Variants in TMEM209 observed in about 807,000 individuals in gnomAD.
TMEM209 encodes testicular tissue protein Li 202.
Under a neutral mutation model 76.2 loss-of-function variants are expected in TMEM209, and 65 were observed. The ratio of observed to expected loss-of-function variants is 0.85; its 90% CI spans 0.70 to 1.05. The LOEUF (loss-of-function observed/expected upper bound fraction) is 1.05, where lower values mean the gene tolerates loss of function less well. TMEM209 is among the 50% of genes least tolerant of loss of function. The probability of loss-of-function intolerance (pLI) is 0.00; values close to 1 mark genes in which losing one functional copy is unlikely to be tolerated. For missense variants in TMEM209, 623 were observed against 685.5 expected, an observed-to-expected ratio of 0.91 and a Z score of 1.02; for synonymous variants, 239 against 237.6, an observed-to-expected ratio of 1.01 and a Z score of -0.06.
Position 130,173,876 on chromosome 7 carries a change from C to T in TMEM209, c.1408G>A (p.Asp470Asn), listed in dbSNP as rs754294783. 50 of 1,613,694 alleles carry T rather than the reference C, an allele frequency of 3.1e-5. No individual in the cohort carries two copies. The highest frequency in any genetic ancestry group is 5.5e-5 in the South Asian group (5 of 91,056). ...TGCTGAGAAGTAAAAGTTTTTCCGT[C>T]GGGATACTTCGGATGTGGAGGTAAT... ...SRLPPHPKYP[D>N]GKTFTSQHFV... The change falls in exon 12 of 15, where the codon GAC (aspartate) becomes AAC (asparagine). Residue 470 changes from aspartate to asparagine, a missense_variant. Asp to Asn is a conservative substitution (Grantham distance 23, BLOSUM62 1). Coordinates refer to ENST00000397622, the MANE Select transcript of TMEM209 (RefSeq NM_032842.4).
intron 5 of TMEM209, among the ~76,000 whole-genome samples, chr7:130,201,396 G>A (rs1004727354): frequency 3.3e-5 from 5 of 151,776 alleles, no homozygotes; most frequent in East Asian, 1.9e-4. Context: ...CATGGAAAGC[G>A]TCCATATTCA....
intron 11 of TMEM209, among the ~76,000 whole-genome samples, chr7:130,174,743 T>G (rs1260090662): frequency 2.6e-5 from 4 of 152,166 alleles, no homozygotes; most frequent in Non-Finnish European, 5.9e-5. Flanking sequence ...AAGAAAGCAA[T>G]GCGCATCACA....
At chr7:130,170,605 T>C in intron 13 of TMEM209, 132 bp from the exon 14 acceptor site, 3 of 710,842 alleles carry the variant, frequency 4.2e-6, no homozygotes, top group Non-Finnish European at 6.9e-6. Context: ...CATTTATTTA[T>C]TAAACAAAGT....
intron 3 of TMEM209, 85 bp from the exon 4 acceptor site, chr7:130,202,748 T>TA: frequency 7.3e-7 from 1 of 1,364,122 alleles, no homozygotes; most frequent in Non-Finnish European, 9.7e-7. Flanking sequence ...CTTAGCAAAC[T>TA]AAAATTACCT....
chr7:130,196,993 G>A (rs1377396814), intron 5 of TMEM209, among the ~76,000 whole-genome samples: 3 of 152,186 alleles, frequency 2.0e-5, no homozygotes, highest in Admixed American at 6.5e-5. Flanking sequence ...TTGGGAGGCT[G>A]AGGCAGGAAG....
At chr7:130,183,061 G>T (rs541311951) in intron 8 of TMEM209, among the ~76,000 whole-genome samples, 5 of 152,236 alleles carry the variant, frequency 3.3e-5, no homozygotes, top group African/African-American at 1.2e-4. Flanking sequence ...GTCACCTAGG[G>T]ACTTCAGATG....
chr7:130,191,346 T>C (rs1797790351), intron 6 of TMEM209, among the ~76,000 whole-genome samples: 1 of 151,566 alleles, frequency 6.6e-6, no homozygotes, highest in Non-Finnish European at 1.5e-5. Flanking sequence ...AAACATTTAA[T>C]GGAAGACAAT....
chr7:130,173,975 A>G, intron 11 of TMEM209, 36 bp from the exon 12 acceptor site: 2 of 1,392,130 alleles, frequency 1.4e-6, no homozygotes, highest in Non-Finnish European at 1.0e-6. Flanking sequence ...TTAAGTCAGC[A>G]TGAAAATCTA....
At chr7:130,178,690 C>G (rs959815875) in intron 9 of TMEM209, among the ~76,000 whole-genome samples, 163 bp from the exon 10 acceptor site, 3 of 152,082 alleles carry the variant, frequency 2.0e-5, no homozygotes, top group East Asian at 1.9e-4. Flanking sequence ...CAAATTTCAC[C>G]CCTCCTCTCT....
intron 4 of TMEM209, among the ~76,000 whole-genome samples, 161 bp from the exon 5 acceptor site, chr7:130,202,252 G>A (rs1798237385): frequency 2.0e-5 from 3 of 152,138 alleles, no homozygotes; most frequent in South Asian, 2.1e-4. Flanking sequence ...CACAAATTAC[G>A]TGTTTACCAT....
chr7:130,196,145 T>C (rs993894446), intron 5 of TMEM209, among the ~76,000 whole-genome samples: 2 of 152,168 alleles, frequency 1.3e-5, no homozygotes, highest in African/African-American at 4.8e-5. Context: ...ACTGGTCTCT[T>C]CACTTTTGTG....
intron 11 of TMEM209, among the ~76,000 whole-genome samples, chr7:130,174,607 G>GT (rs1327151068): frequency 6.6e-6 from 1 of 151,854 alleles, no homozygotes; most frequent in Non-Finnish European, 1.5e-5. Flanking sequence ...ATTTTCACCC[G>GT]TAACAGTCAC....
At position 130,181,734 on chromosome 7, in the gene TMEM209, G is replaced by T; in HGVS notation, c.1024-15C>A. The T allele has an allele frequency of 6.3e-7, 1 of 1,588,334 alleles. No individual in the cohort carries two copies. Among genetic ancestry groups the T allele is most frequent in the Non-Finnish European group, 8.6e-7 (1 of 1,164,950 alleles). On this transcript the variant is annotated splice_polypyrimidine_tract_variant and intron_variant, in intron 8 of 14. Transcript: ENST00000397622. ...TCATTGATCCACTAGAAGAAATAAG[G>T]TACAGATTTTGGATACATAATTCCC...
chr7:130,184,138 T>C, intron 8 of TMEM209, 46 bp downstream of exon 8: 7 of 1,302,150 alleles, frequency 5.4e-6, no homozygotes, highest in Non-Finnish European at 7.5e-6. Context: ...ATGCTTTGCA[T>C]ATTAAGAGGC....
chr7:130,179,138 T>G (rs993431582), intron 9 of TMEM209, among the ~76,000 whole-genome samples: 1 of 152,140 alleles, frequency 6.6e-6, no homozygotes, highest in African/African-American at 2.4e-5. Flanking sequence ...GAATGAAAGC[T>G]TAATGAAGGC....
rs1050747739 is a variant in TMEM209, at chr7:130,202,182, G to A, written c.332-91C>T. The A allele has an allele frequency of 2.8e-6, 4 of 1,449,954 alleles. No homozygotes were observed. The African/African-American group carries it at 5.7e-5, about 21-fold the overall frequency. The allele number at this position is 1,449,954 out of a possible 1,614,324, so 89.8% of individuals were successfully genotyped here. A position where few individuals can be genotyped will look rare whatever the true frequency, so the allele number is the denominator to read the frequency against. ...TAAGCAACTAAGTCTTTCTCTTAAG[G>A]GAAAAAAGTTAACAGAGTTACTTGG... On this transcript the variant is annotated intron_variant, in intron 4 of 14. Coordinates refer to ENST00000397622, the MANE Select transcript of TMEM209 (RefSeq NM_032842.4).
At chr7:130,195,108 G>A (rs997981755) in intron 5 of TMEM209, among the ~76,000 whole-genome samples, 1 of 151,786 alleles carries the variant, frequency 6.6e-6, no homozygotes, top group Non-Finnish European at 1.5e-5. Context: ...AAATTTTCTT[G>A]GCTCATTTGT....
At chr7:130,196,262 T>C (rs1797967521) in intron 5 of TMEM209, among the ~76,000 whole-genome samples, 1 of 151,912 alleles carries the variant, frequency 6.6e-6, no homozygotes, top group African/African-American at 2.4e-5. Context: ...TGGGGATGTA[T>C]TCGATATATT....
chr7:130,182,519 C>T (rs1797457969), intron 8 of TMEM209, among the ~76,000 whole-genome samples: 1 of 152,164 alleles, frequency 6.6e-6, no homozygotes, highest in Non-Finnish European at 1.5e-5. Context: ...AAAACAGAGA[C>T]TTATTACATT....
Sources: gnomAD v4.1 joint callset for allele counts (sites outside exome capture counted in the v4.1 genomes callset) on GRCh38, gnomAD v4.1.1 for gene constraint, MANE v1.5 for transcripts, NCBI Gene and HGNC (gene_info 2026-07-23, HGNC 2026-07-21) for gene names.